Variants in NAGLU observed in about 807,000 individuals in gnomAD.
NAGLU encodes the protein alpha-N-acetylglucosaminidase.
NAGLU carries 34 observed loss-of-function variants against 43.4 expected under a neutral mutation model. That is an observed-to-expected ratio of 0.78 (90% CI 0.60 to 1.04). NAGLU has a LOEUF of 1.04. Ranked by LOEUF, NAGLU falls within the 50% of genes least tolerant of loss-of-function variation. NAGLU has a pLI of 0.00. For missense variants in NAGLU, 910 were observed against 993.7 expected, an observed-to-expected ratio of 0.92 and a Z score of 1.13; for synonymous variants, 425 against 437.6, an observed-to-expected ratio of 0.97 and a Z score of 0.36.
At position 42,543,611 on chromosome 17, in the gene NAGLU, T is replaced by C. The variant is rs1439979743; in HGVS notation, c.1605T>C (p.Asp535=). 51 of 1,613,092 alleles carry C rather than the reference T, an allele frequency of 3.2e-5. No homozygotes were observed. The highest frequency in any genetic ancestry group is 4.2e-5 in the Non-Finnish European group (50 of 1,180,044). Residue 535 remains aspartate (D), a synonymous_variant, in exon 6 of 6, where the codon GAT becomes GAC. Transcript: ENST00000225927. ...MNTSIWYNRS[D]VFEAWRLLLT... ...CCAGCATCTGGTACAACCGATCTGA[T>C]GTGTTTGAGGCCTGGCGGCTGCTGC...
intron 1 of NAGLU, 83 bp downstream of exon 1, chr17:42,536,738 C>G: frequency 7.4e-7 from 1 of 1,348,868 alleles, no homozygotes; most frequent in Non-Finnish European, 9.5e-7. Context: ...GGAGGCTGAG[C>G]GGGGAGCGCT....
At chr17:42,541,869 T>C (rs373713346) in intron 5 of NAGLU, among the ~76,000 whole-genome samples, 110 of 151,286 alleles carry the variant, frequency 7.3e-4, no homozygotes, top group African/African-American at 2.1e-3. Flanking sequence ...GATGGCAAAT[T>C]CTCAGGCCCT....
rs763394060 is a variant in NAGLU at position 42,543,890 on chromosome 17, G to A, written c.1884G>A (p.Ala628=). The A allele has an allele frequency of 2.3e-5, 37 of 1,605,104 alleles. No individual in the cohort carries two copies. Among genetic ancestry groups the A allele is most frequent in the South Asian group, 4.5e-5 (4 of 89,874 alleles). The change falls in exon 6 of 6, where the codon GCG becomes GCA. Residue 628 remains alanine (A), a synonymous_variant. Coordinates refer to ENST00000225927, the MANE Select transcript of NAGLU (RefSeq NM_000263.4). ...GCTGGCTAGAGCAGGCCCGAGCAGC[G>A]GCAGTCAGTGAGGCCGAGGCCGATT... is the stretch of plus-strand genomic sequence containing the variant. The part of the protein sequence containing the change: ...LGSWLEQARA[A]AVSEAEADFY...
At chr17:42,539,870 T>C (rs1053394616) in intron 4 of NAGLU, among the ~76,000 whole-genome samples, 8 of 151,936 alleles carry the variant, frequency 5.3e-5, no homozygotes, top group African/African-American at 1.9e-4. Context: ...TCCTAGCGTT[T>C]TGGGAGGCTG....
At chr17:42,537,308 C>G in intron 1 of NAGLU, 90 bp from the exon 2 acceptor site, 2 of 1,597,044 alleles carry the variant, frequency 1.3e-6, no homozygotes, top group Non-Finnish European at 1.7e-6. Flanking sequence ...GAGCCCCTCC[C>G]CTCTCCTCTA....
chr17:42,537,366 G>T (rs201817880), intron 1 of NAGLU, 32 bp from the exon 2 acceptor site: 323 of 1,613,738 alleles, frequency 2.0e-4, no homozygotes, highest in Non-Finnish European at 2.6e-4. Context: ...CTCCAGGGTG[G>T]GATGCGCCCC....
At chr17:42,537,950 T>G (rs372209929) in intron 2 of NAGLU, among the ~76,000 whole-genome samples, 20 of 151,934 alleles carry the variant, frequency 1.3e-4, no homozygotes, top group African/African-American at 4.8e-4. Flanking sequence ...ACCTGGTCCC[T>G]TGGATCCAAC....
rs1362489439 is a variant in NAGLU at position 42,543,649 on chromosome 17, C to T, written c.1643C>T (p.Pro548Leu). The part of the protein sequence containing the change: ...EAWRLLLTSA[P>L]SLATSPAFRY... ...TGGCGGCTGCTGCTCACATCTGCTCCCTCCCTGGCCACCAGCCCCGCCTTC... is the reference window on the plus strand; with the variant it reads ...TGGCGGCTGCTGCTCACATCTGCTCTCTCCCTGGCCACCAGCCCCGCCTTC... Residue 548 changes from proline to leucine, a missense_variant, in exon 6 of 6, where the codon CCC (proline) becomes CTC (leucine). Physicochemically the swap from Pro to Leu is moderately conservative, Grantham distance 98. Coordinates refer to ENST00000225927, the MANE Select transcript of NAGLU (RefSeq NM_000263.4). 6.2e-7 allele frequency: 1 copy of T among 1,612,952 alleles called. No individual in the cohort carries two copies. Among genetic ancestry groups the T allele is most frequent in the Non-Finnish European group, 8.5e-7 (1 of 1,180,026 alleles).
In NAGLU at chr17:42,543,070, A is replaced by T. The variant is rs762284756; in HGVS notation, c.1064A>T (p.Gln355Leu). ...AVWLLQGWLF[Q>L]HQPQFWGPAQ... ...TGGCTGCTCCAAGGCTGGCTCTTCCAGCACCAGCCGCAGTTCTGGGGGCCC... is the reference window on the plus strand; with the variant it reads ...TGGCTGCTCCAAGGCTGGCTCTTCCTGCACCAGCCGCAGTTCTGGGGGCCC... The change falls in exon 6 of 6, where the codon CAG becomes CTG. Residue 355 changes from glutamine (Q) to leucine (L), a missense_variant. Coordinates refer to ENST00000225927, the MANE Select transcript of NAGLU (RefSeq NM_000263.4). 1 of 1,608,554 alleles carries T rather than the reference A, an allele frequency of 6.2e-7. No homozygotes were observed. The highest frequency in any genetic ancestry group is 8.5e-7 in the Non-Finnish European group (1 of 1,180,006).
chr17:42,541,257 G>A (rs776011331), intron 5 of NAGLU, 51 bp downstream of exon 5: 1 of 1,604,924 alleles, frequency 6.2e-7, no homozygotes, highest in African/African-American at 1.3e-5. Flanking sequence ...CAAAAAGAAG[G>A]GAGTAGCAGA....
At position 42,543,214 on chromosome 17, in the gene NAGLU, T is replaced by A; in HGVS notation, c.1208T>A (p.Ile403Asn). ...GCCTCCTTCCAGGGCCAGCCCTTCA[T>A]CTGGTGCATGCTGCACAACTTTGGG... Reference protein sequence around the residue: ...RTASFQGQPFIWCMLHNFGGN... With the variant: ...RTASFQGQPFNWCMLHNFGGN... Residue 403 changes from isoleucine to asparagine, a missense_variant, in exon 6 of 6, where the codon ATC (isoleucine) becomes AAC (asparagine). Coordinates refer to ENST00000225927, the MANE Select transcript of NAGLU (RefSeq NM_000263.4). 1 of 1,614,228 alleles carries A rather than the reference T, an allele frequency of 6.2e-7. No homozygotes were observed. The highest frequency in any genetic ancestry group is 8.5e-7 in the Non-Finnish European group (1 of 1,180,036).
In NAGLU at chr17:42,544,356, G is replaced by C; in HGVS notation, c.*118G>C. The C allele has an allele frequency of 6.7e-7, 1 of 1,493,802 alleles. No individual in the cohort carries two copies. Among genetic ancestry groups the C allele is most frequent in the Non-Finnish European group, 9.1e-7 (1 of 1,097,160 alleles). 92.5% of individuals were successfully genotyped at this position (1,493,802 alleles called of 1,614,324 possible). Reference sequence around the variant, plus strand: ...TGGGAGGAGGCCCCACGGCCTGCTGGTGGGGTCTGACCTGGGGGGATTGGA... The same window carrying C: ...TGGGAGGAGGCCCCACGGCCTGCTGCTGGGGTCTGACCTGGGGGGATTGGA... On this transcript the variant is annotated 3_prime_UTR_variant, in exon 6 of 6. Transcript: ENST00000225927.
Position 42,540,986 on chromosome 17 carries a change from T to C in NAGLU, c.801T>C (p.Ser267=), listed in dbSNP as rs2143098123. ...FPQVNVTKMG[S]WGHFNCSYSC... ...AGGTCAATGTCACGAAGATGGGCAG[T>C]TGGGGCCACTTTAACTGTTCCTACT... Residue 267 remains serine, a synonymous_variant, in exon 5 of 6, where the codon AGT becomes AGC. Transcript: ENST00000225927. 1.9e-6 allele frequency: 3 copies of C among 1,614,204 alleles called. No individual in the cohort carries two copies. Among genetic ancestry groups the C allele is most frequent in the Non-Finnish European group, 1.7e-6 (2 of 1,180,028 alleles).
chr17:42,541,352 T>TG lies in NAGLU; in HGVS notation c.1021+147dup, dbSNP rs2092921486. 2.4e-6 allele frequency: 3 copies of TG among 1,265,578 alleles called. No individual in the cohort carries two copies. In the African/African-American group the frequency reaches 4.4e-5, roughly 19 times the overall value. 78.4% of individuals were successfully genotyped at this position (1,265,578 alleles called of 1,614,324 possible). A position where few individuals can be genotyped will look rare whatever the true frequency, so the allele number is the denominator to read the frequency against. On this transcript the variant is annotated intron_variant, in intron 5 of 5. Transcript: ENST00000225927. Reference sequence around the variant, plus strand: ...ATAGTTTACCAAGCACGTGTACACATGCGTTGTCTCAGTGAATCCCACTGT... The same window carrying TG: ...ATAGTTTACCAAGCACGTGTACACATGGCGTTGTCTCAGTGAATCCCACTGT...
At position 42,538,650 on chromosome 17, in the gene NAGLU, C is replaced by A. The variant is rs2092913631; in HGVS notation, c.679-20C>A. The A allele has an allele frequency of 6.2e-7, 1 of 1,613,726 alleles. No homozygotes were observed. The highest frequency in any genetic ancestry group is 1.3e-5 in the African/African-American group (1 of 74,926). ...GGACAGCAGTGGCCATGCTCACCAC[C>A]CTTCCTTCTGTTCCTCCAGCACCGG... On this transcript the variant is annotated intron_variant, in intron 3 of 5. Transcript: ENST00000225927.
In NAGLU at chr17:42,541,080, C is replaced by G; in HGVS notation, c.895C>G (p.Leu299Val). Reference sequence around the variant, plus strand: ...CATCGGGAGCCTCTTCCTGCGAGAGCTGATCAAAGAGTTTGGCACAGACCA... The same window carrying G: ...CATCGGGAGCCTCTTCCTGCGAGAGGTGATCAAAGAGTTTGGCACAGACCA... ...PIIGSLFLRE[L>V]IKEFGTDHIY... Residue 299 changes from leucine to valine, a missense_variant, in exon 5 of 6, where the codon CTG (leucine) becomes GTG (valine). Transcript: ENST00000225927. 1 of 1,614,130 alleles carries G rather than the reference C, an allele frequency of 6.2e-7. No individual in the cohort carries two copies. The highest frequency in any genetic ancestry group is 2.2e-5 in the East Asian group (1 of 44,882).
chr17:42,538,771 C>T lies in NAGLU; in HGVS notation c.764+16C>T, dbSNP rs780594825. On this transcript the variant is annotated intron_variant, in intron 4 of 5. Coordinates refer to ENST00000225927, the MANE Select transcript of NAGLU (RefSeq NM_000263.4). ...CTGTCACCAGGTGAGGTTCCGCTCA[C>T]CCCCTCCACTTAGCTCAGAGAGGGA... The T allele has an allele frequency of 1.6e-5, 26 of 1,613,308 alleles. No homozygotes were observed. The South Asian group carries it at 2.5e-4, about 16-fold the overall frequency.
At chr17:42,540,926 ATC>A in intron 4 of NAGLU, 22 bp from the exon 5 acceptor site, 1 of 1,614,152 alleles carries the variant, frequency 6.2e-7, no homozygotes, top group Non-Finnish European at 8.5e-7. Context: ...TCCATGAAAT[ATC>A]TGAGCTTTTG....
In NAGLU at chr17:42,543,178, A is replaced by G; in HGVS notation, c.1172A>G (p.Tyr391Cys). 1 of 1,614,188 alleles carries G rather than the reference A, an allele frequency of 6.2e-7. No individual in the cohort carries two copies. Among genetic ancestry groups the G allele is most frequent in the Non-Finnish European group, 8.5e-7 (1 of 1,180,046 alleles). Reference protein sequence around the residue: ...LDLFAESQPVYTRTASFQGQP... With the variant: ...LDLFAESQPVCTRTASFQGQP... ...CTGTTTGCTGAGAGCCAGCCTGTGTATACCCGCACTGCCTCCTTCCAGGGC... is the reference window on the plus strand; with the variant it reads ...CTGTTTGCTGAGAGCCAGCCTGTGTGTACCCGCACTGCCTCCTTCCAGGGC... The change falls in exon 6 of 6, where the codon TAT becomes TGT. Residue 391 changes from tyrosine (Y) to cysteine (C), a missense_variant. Transcript: ENST00000225927.
Sources: allele counts gnomAD v4.1 joint callset (sites outside exome capture counted in the v4.1 genomes callset), GRCh38; gene constraint gnomAD v4.1.1; transcripts MANE v1.5; gene names NCBI Gene and HGNC (gene_info 2026-07-23, HGNC 2026-07-21).